SPEF2: variants seen among roughly 807,000 people sequenced by gnomAD.
SPEF2 encodes the protein sperm flagellar and cilia associated 2.
Under a neutral mutation model 224.6 loss-of-function variants are expected in SPEF2, and 187 were observed. The ratio of observed to expected loss-of-function variants is 0.83; its 90% confidence interval spans 0.74 to 0.94. The LOEUF (loss-of-function observed/expected upper bound fraction) is 0.94, where lower values mean the gene tolerates loss of function less well. SPEF2 is among the 40% of genes least tolerant of loss of function. The probability of loss-of-function intolerance (pLI) is 0.00; values close to 1 mark genes in which losing one functional copy is unlikely to be tolerated. For missense variants in SPEF2, 2,170 were observed against 2,135.6 expected (o/e 1.02, Z -0.32); for synonymous variants, 715 against 707.3 (o/e 1.01, Z -0.17).
At chr5:35,680,684 T>C (rs758015920) in intron 10 of SPEF2, among the ~76,000 whole-genome samples, 7 of 152,104 alleles carry the variant, frequency 4.6e-5, no homozygotes, top group Non-Finnish European at 7.4e-5. Flanking sequence ...ATAGGACACA[T>C]TGGAAGGGAT....
intron 16 of SPEF2, among the ~76,000 whole-genome samples, chr5:35,703,386 C>T (rs1739082556): frequency 6.6e-6 from 1 of 152,026 alleles, no homozygotes; most frequent in Non-Finnish European, 1.5e-5. Context: ...CAGGATAATG[C>T]AGATAAATTT....
chr5:35,732,943 T>G (rs1029869892), intron 21 of SPEF2, among the ~76,000 whole-genome samples: 1 of 152,162 alleles, frequency 6.6e-6, no homozygotes, highest in African/African-American at 2.4e-5. Context: ...TGTGCCTGAT[T>G]ATGAATTAAA....
At chr5:35,664,812 G>A (rs1383767793) in intron 8 of SPEF2, among the ~76,000 whole-genome samples, 1 of 98,084 alleles carries the variant, frequency 1.0e-5, no homozygotes, top group Non-Finnish European at 2.1e-5. Context: ...GAGAGGAAGA[G>A]GGAGAGGGAG....
intron 30 of SPEF2, among the ~76,000 whole-genome samples, chr5:35,786,989 A>G (rs747322854): frequency 1.6e-4 from 25 of 152,212 alleles, no homozygotes; most frequent in Non-Finnish European, 3.5e-4. Context: ...GGACAACATA[A>G]TCTAATGATT....
Position 35,705,745 on chromosome 5 carries a change from G to C in SPEF2, c.2602G>C (p.Glu868Gln). Residue 868 changes from glutamate to glutamine, a missense_variant, in exon 18 of 37, where the codon GAA becomes CAA. Transcript: ENST00000356031. ...AAAAATCAATGCTGAAATAGATAAG[G>C]AATCTTTATGTGAAAAAGTAAAAGA... Reference protein sequence around the residue: ...LIKINAEIDKESLCEKVKEIL... With the variant: ...LIKINAEIDKQSLCEKVKEIL... The C allele has an allele frequency of 1.3e-6, 2 of 1,559,782 alleles. No homozygotes were observed. Among genetic ancestry groups the C allele is most frequent in the Non-Finnish European group, 1.7e-6 (2 of 1,147,486 alleles).
At chr5:35,624,888 G>A (rs1349490016) in intron 1 of SPEF2, among the ~76,000 whole-genome samples, 4 of 152,220 alleles carry the variant, frequency 2.6e-5, no homozygotes, top group Admixed American at 2.0e-4. Context: ...GCCTGCCTCA[G>A]CCTCCCAAAG....
At chr5:35,778,835 T>C (rs1361090456) in intron 29 of SPEF2, among the ~76,000 whole-genome samples, 1 of 152,184 alleles carries the variant, frequency 6.6e-6, no homozygotes, top group African/African-American at 2.4e-5. Context: ...CTAATACTAA[T>C]AAAAACTATA....
chr5:35,800,148 G>T lies in SPEF2; in HGVS notation c.5010+1G>T, dbSNP rs1389729168. On this transcript the variant is annotated splice_donor_variant, in intron 34 of 36. Transcript: ENST00000356031. LOFTEE classifies it high-confidence loss of function. ...AGCTTCCATTCCAAGTGCAGAAAAG[G>T]TAATTGCATTCCAGAAATAGACTAA... is the stretch of plus-strand genomic sequence containing the variant. The T allele has an allele frequency of 6.2e-7, 1 of 1,614,032 alleles. No homozygotes were observed. The highest frequency in any genetic ancestry group is 8.5e-7 in the Non-Finnish European group (1 of 1,179,964).
intron 23 of SPEF2, 34 bp downstream of exon 23, chr5:35,740,301 G>A (rs1747393910): frequency 3.7e-6 from 6 of 1,610,664 alleles, no homozygotes; most frequent in Non-Finnish European, 5.1e-6. Flanking sequence ...GACAGGGTTA[G>A]CTGGCTTTCA....
intron 33 of SPEF2, among the ~76,000 whole-genome samples, chr5:35,799,576 G>A (rs889236408): frequency 2.0e-5 from 3 of 152,060 alleles, no homozygotes; most frequent in Non-Finnish European, 2.9e-5. Context: ...ACTCCCCACA[G>A]AGACCGATGG....
At chr5:35,657,064 T>C (rs1193007228) in intron 7 of SPEF2, among the ~76,000 whole-genome samples, 1 of 152,212 alleles carries the variant, frequency 6.6e-6, no homozygotes, top group African/African-American at 2.4e-5. Flanking sequence ...GGAAAAATGG[T>C]ATATGTCAGG....
intron 21 of SPEF2, among the ~76,000 whole-genome samples, chr5:35,734,388 C>T (rs542145563): frequency 8.6e-5 from 11 of 128,082 alleles, no homozygotes; most frequent in African/African-American, 2.9e-4. Context: ...CCCCGGGCCA[C>T]AAGGGAAGAA....
intron 1 of SPEF2, among the ~76,000 whole-genome samples, chr5:35,626,183 C>G (rs1215173537): frequency 6.6e-6 from 1 of 152,150 alleles, no homozygotes; most frequent in Non-Finnish European, 1.5e-5. Context: ...AGGACATACT[C>G]TTCTCTAAGT....
intron 30 of SPEF2, 71 bp from the exon 31 acceptor site, chr5:35,792,269 T>C: frequency 8.3e-7 from 1 of 1,201,552 alleles, no homozygotes; most frequent in Admixed American, 2.0e-5. Context: ...ACTCATTGCT[T>C]CTATTTTAGC....
chr5:35,714,650 A>T (rs1041096270), intron 20 of SPEF2, among the ~76,000 whole-genome samples: 5 of 150,626 alleles, frequency 3.3e-5, no homozygotes, highest in Non-Finnish European at 5.9e-5. Flanking sequence ...GCTTGTTTTT[A>T]GGTTAGGTTG....
chr5:35,644,339 T>C lies in SPEF2; in HGVS notation c.415-16T>C. ...TATTCTCTAATAAAATCTTTTGAAA[T>C]GCTTTTTTCATTTAGAGACTTAGAC... On this transcript the variant is annotated splice_polypyrimidine_tract_variant and intron_variant, in intron 3 of 36. Coordinates refer to ENST00000356031, the MANE Select transcript of SPEF2 (RefSeq NM_024867.4). 2 of 1,488,488 alleles carry C rather than the reference T, an allele frequency of 1.3e-6. No individual in the cohort carries two copies. Among genetic ancestry groups the C allele is most frequent in the South Asian group, 1.4e-5 (1 of 70,108 alleles). The allele number at this position is 1,488,488 out of a possible 1,614,324, so 92.2% of individuals were successfully genotyped here.
rs1158699874 is a variant in SPEF2 at position 35,646,766 on chromosome 5, C to G, written c.685C>G (p.Leu229Val). ...KPASNRTLKA[L>V]EAQKMMKKKK... ...TGCATCAAATCGTACTTTGAAAGCA[C>G]TCGAGGCCCAAAAAATGATGAAAAA... The change falls in exon 5 of 37, where the codon CTC becomes GTC. Residue 229 changes from leucine to valine, a missense_variant. By Grantham distance (32) the Leu-to-Val change is conservative. Transcript: ENST00000356031. 2 of 1,613,782 alleles carry G rather than the reference C, an allele frequency of 1.2e-6. No individual in the cohort carries two copies. Among genetic ancestry groups the G allele is most frequent in the Non-Finnish European group, 1.7e-6 (2 of 1,179,898 alleles).
At chr5:35,762,128 C>G (rs1418018031) in intron 25 of SPEF2, among the ~76,000 whole-genome samples, 2 of 152,162 alleles carry the variant, frequency 1.3e-5, no homozygotes, top group East Asian at 3.9e-4. Flanking sequence ...GAATACTTAT[C>G]ATAATAATTA....
chr5:35,664,369 G>A (rs981646285), intron 8 of SPEF2, among the ~76,000 whole-genome samples: 1 of 151,474 alleles, frequency 6.6e-6, no homozygotes, highest in Non-Finnish European at 1.5e-5. Flanking sequence ...AGGAAAGAAG[G>A]AAGGAAGGAA....
Sources: gnomAD v4.1 joint callset for allele counts (sites outside exome capture counted in the v4.1 genomes callset) on GRCh38, gnomAD v4.1.1 for gene constraint, MANE v1.5 for transcripts, NCBI Gene and HGNC (gene_info 2026-07-23, HGNC 2026-07-21) for gene names.